Variants in DDI2 observed in about 807,000 individuals in gnomAD.
The protein encoded by DDI2 is DDI proteasomal shuttling factor 2.
A neutral mutation model predicts 48.1 loss-of-function variants in DDI2; 5 were observed. The ratio of observed to expected loss-of-function variants is 0.10; its 90% CI spans 0.05 to 0.22. The LOEUF (loss-of-function observed/expected upper bound fraction) is 0.22, where lower values mean the gene tolerates loss of function less well. Ranked by LOEUF, DDI2 falls within the 10% of genes least tolerant of loss-of-function variation. The pLI, the probability that DDI2 is intolerant of heterozygous loss-of-function variation, is 1.00. For synonymous variants in DDI2, 205 were observed against 183.6 expected, an observed-to-expected ratio of 1.12 and a Z score of -0.94; for missense variants, 285 against 506.2, an observed-to-expected ratio of 0.56 and a Z score of 4.19.
Position 15,660,514 on chromosome 1 carries a change from A to G in DDI2, c.*724A>G, listed in dbSNP as rs2148307818. On this transcript the variant is annotated 3_prime_UTR_variant, in exon 10 of 10. Coordinates refer to ENST00000480945, the MANE Select transcript of DDI2 (RefSeq NM_032341.5). ...CAAAATTGTTGATTTGGAAGCTACG[A>G]TGAAAGGAAATGGGCTCCCACAGAA... 1 of 1,613,618 alleles carries G rather than the reference A, an allele frequency of 6.2e-7. No individual in the cohort carries two copies. Among genetic ancestry groups the G allele is most frequent in the East Asian group, 2.2e-5 (1 of 44,880 alleles).
Position 15,631,560 on chromosome 1 carries a change from A to G in DDI2, c.505+999A>G, listed in dbSNP as rs6691926. Among the ~76,000 whole-genome samples the G allele has an allele frequency of 3.3e-3, 498 of 152,338 alleles. 9 individuals are homozygous for G. Among genetic ancestry groups the G allele is most frequent in the African/African-American group, 0.011 (472 of 41,582 alleles). Reference sequence around the variant, plus strand: ...CTCAATTGACTGTCTTTAAATTGGCAATCTTTACCTTAAGCGAAGTACTCA... The same window carrying G: ...CTCAATTGACTGTCTTTAAATTGGCGATCTTTACCTTAAGCGAAGTACTCA... On this transcript the variant is annotated intron_variant, in intron 3 of 9. Transcript: ENST00000480945.
intron 4 of DDI2, chr1:15,633,845 A>G (rs1244582777): frequency 6.3e-6 from 3 of 473,872 alleles, no homozygotes; most frequent in South Asian, 4.6e-5. Context: ...AGCTTTAGAT[A>G]AATGACCCCC....
chr1:15,639,639 CTT>C (rs952977647), intron 5 of DDI2, among the ~76,000 whole-genome samples: 20 of 152,116 alleles, frequency 1.3e-4, no homozygotes, highest in African/African-American at 4.3e-4. Context: ...GATTTTTTAA[CTT>C]TTTGTAGAGA....
chr1:15,657,019 A>G (rs1640283642), intron 9 of DDI2: 2 of 181,798 alleles, frequency 1.1e-5, no homozygotes, highest in South Asian at 2.7e-4. Context: ...CTATGCTTTC[A>G]TGGGTTTCAT....
At position 15,661,757 on chromosome 1, in the gene DDI2, C is replaced by G; in HGVS notation, c.*1967C>G. Reference sequence around the variant, plus strand: ...AGTGGGCTAGACCGTTCTCCATTCCCTTTAAACAAAAGAAAGCTCTCTCTA... The same window carrying G: ...AGTGGGCTAGACCGTTCTCCATTCCGTTTAAACAAAAGAAAGCTCTCTCTA... On this transcript the variant is annotated 3_prime_UTR_variant, in exon 10 of 10. Transcript: ENST00000480945. 6.4e-7 allele frequency: 1 copy of G among 1,558,286 alleles called. No homozygotes were observed. The highest frequency in any genetic ancestry group is 1.2e-5 in the South Asian group (1 of 81,032).
intron 6 of DDI2, among the ~76,000 whole-genome samples, chr1:15,644,391 A>G (rs1160235306): frequency 6.6e-6 from 1 of 152,034 alleles, no homozygotes; most frequent in African/African-American, 2.4e-5. Flanking sequence ...ATGGGAGTAA[A>G]TTGAGACTAA....
intron 9 of DDI2, among the ~76,000 whole-genome samples, chr1:15,659,592 A>G (rs932602): frequency 0.32 from 48,806 of 152,090 alleles, 8,731 homozygotes; most frequent in African/African-American, 0.46. Context: ...ATATTAATGG[A>G]TACTTAATCA....
rs376246815 is a variant in DDI2 at position 15,651,738 on chromosome 1, G to T, written c.1026G>T (p.Val342=). The change falls in exon 8 of 10, where the codon GTG becomes GTT. Residue 342 remains valine (V), a synonymous_variant. Coordinates refer to ENST00000480945, the MANE Select transcript of DDI2 (RefSeq NM_032341.5). The part of the protein sequence containing the change: ...CSIDLKKNVL[V]IGTTGSQTTF... ...TCGACCTGAAGAAAAATGTACTCGT[G>T]ATCGGCACCACAGGCTCCCAGACCA... is the stretch of plus-strand genomic sequence containing the variant. 2.5e-6 allele frequency: 4 copies of T among 1,612,128 alleles called. No individual in the cohort carries two copies. The highest frequency in any genetic ancestry group is 2.2e-5 in the South Asian group (2 of 90,788).
In DDI2 at chr1:15,661,738, C is replaced by A. The variant is rs190991762; in HGVS notation, c.*1948C>A. On this transcript the variant is annotated 3_prime_UTR_variant, in exon 10 of 10. Coordinates refer to ENST00000480945, the MANE Select transcript of DDI2 (RefSeq NM_032341.5). ...TCCTACATGACTGTGGGAAAGTGGG[C>A]TAGACCGTTCTCCATTCCCTTTAAA... is the stretch of plus-strand genomic sequence containing the variant. 2.6e-4 allele frequency: 417 copies of A among 1,585,494 alleles called. 1 individual carries two copies. In the African/African-American group the frequency reaches 4.1e-3, roughly 15 times the overall value.
At chr1:15,620,568 A>G (rs912723441) in intron 1 of DDI2, among the ~76,000 whole-genome samples, 2 of 151,918 alleles carry the variant, frequency 1.3e-5, no homozygotes, top group African/African-American at 4.8e-5. Flanking sequence ...TCAAGGAAAT[A>G]TATATATTTT....
At chr1:15,632,931 TAAAAAA>T (rs766037022) in intron 3 of DDI2, among the ~76,000 whole-genome samples, 4 of 106,024 alleles carry the variant, frequency 3.8e-5, no homozygotes, top group African/African-American at 1.6e-4. Context: ...TTTTTTTTTT[TAAAAAA>T]AAAAAAACAG....
At chr1:15,642,595 G>A (rs1293205412) in intron 5 of DDI2, among the ~76,000 whole-genome samples, 1 of 152,130 alleles carries the variant, frequency 6.6e-6, no homozygotes, top group African/African-American at 2.4e-5. Context: ...TTACAGGCAT[G>A]AGCCACTACA....
chr1:15,662,227 A>G lies in DDI2; in HGVS notation c.*2437A>G. 1 of 153,774 alleles carries G rather than the reference A, an allele frequency of 6.5e-6. No individual in the cohort carries two copies. 9.5% of individuals were successfully genotyped at this position (153,774 alleles called of 1,614,324 possible). A position where few individuals can be genotyped will look rare whatever the true frequency, so the allele number is the denominator to read the frequency against. On this transcript the variant is annotated 3_prime_UTR_variant, in exon 10 of 10. Transcript: ENST00000480945. ...TAATTTGGTGTTTGGAATTCTACCC[A>G]GTGCTCTGTGTATCATGATTCATTA...
At chr1:15,629,914 T>G (rs1367397138) in intron 2 of DDI2, among the ~76,000 whole-genome samples, 1 of 152,014 alleles carries the variant, frequency 6.6e-6, no homozygotes, top group East Asian at 1.9e-4. Flanking sequence ...GTATATTTAG[T>G]AGAGACAGAG....
chr1:15,633,892 G>T (rs1460398354), intron 4 of DDI2: 2 of 445,672 alleles, frequency 4.5e-6, no homozygotes, highest in African/African-American at 4.1e-5. Flanking sequence ...GAGACCACAA[G>T]GCTGGTTGCA....
chr1:15,656,491 C>T, intron 8 of DDI2, 126 bp from the exon 9 acceptor site: 1 of 1,585,720 alleles, frequency 6.3e-7, no homozygotes, highest in Non-Finnish European at 8.6e-7. Context: ...ACAGAAACAT[C>T]CCTCAACTTG....
chr1:15,630,829 A>G (rs1639831792), intron 3 of DDI2, among the ~76,000 whole-genome samples: 1 of 152,038 alleles, frequency 6.6e-6, no homozygotes, highest in South Asian at 2.1e-4. Flanking sequence ...TAACCTAGGT[A>G]CTGATTTTTG....
intron 4 of DDI2, 113 bp downstream of exon 4, chr1:15,633,678 T>C (rs2103467197): frequency 6.7e-7 from 1 of 1,502,096 alleles, no homozygotes; most frequent in East Asian, 2.4e-5. Context: ...TGTTTTGCAG[T>C]TGAGATAGTA....
At chr1:15,620,591 A>T (rs1412790851) in intron 1 of DDI2, among the ~76,000 whole-genome samples, 1 of 151,146 alleles carries the variant, frequency 6.6e-6, no homozygotes, top group Non-Finnish European at 1.5e-5. Context: ...TGTTCTGGCT[A>T]TTTTTTCCTG....
Sources: gnomAD v4.1 joint callset for allele counts (sites outside exome capture counted in the v4.1 genomes callset) on GRCh38, gnomAD v4.1.1 for gene constraint, MANE v1.5 for transcripts, NCBI Gene and HGNC (gene_info 2026-07-23, HGNC 2026-07-21) for gene names.